VPS13C: variants seen among roughly 807,000 people sequenced by gnomAD.
The protein encoded by VPS13C is vacuolar protein sorting 13 homolog C, also known as intermembrane lipid transfer protein VPS13C.
Under a neutral mutation model 456.8 loss-of-function variants are expected in VPS13C, and 358 were observed. That is an observed-to-expected ratio of 0.78 (90% CI 0.72 to 0.86). The LOEUF (loss-of-function observed/expected upper bound fraction) is 0.86, where lower values mean the gene tolerates loss of function less well. Among genes scored for constraint, VPS13C ranks in the 40% least tolerant of loss-of-function variants. VPS13C has a pLI of 0.00. For synonymous variants in VPS13C, 1,578 were observed against 1,486.7 expected, an observed-to-expected ratio of 1.06 and a Z score of -1.41; for missense variants, 4,818 against 4,385.4, an observed-to-expected ratio of 1.10 and a Z score of -2.79.
intron 26 of VPS13C, 76 bp downstream of exon 26, chr15:61,973,378 T>C (rs1483199539): frequency 6.3e-6 from 8 of 1,268,058 alleles, no homozygotes; most frequent in Non-Finnish European, 1.1e-6. Context: ...ACTGCCCTTA[T>C]TTTCTGAAAA....
chr15:62,040,514 A>C (rs550127513), intron 3 of VPS13C, among the ~76,000 whole-genome samples: 4 of 152,198 alleles, frequency 2.6e-5, no homozygotes, highest in Non-Finnish European at 5.9e-5. Context: ...AAAATAAAAA[A>C]ATTTAATGGA....
chr15:62,046,981 T>C (rs1376378712), intron 1 of VPS13C, among the ~76,000 whole-genome samples: 1 of 152,028 alleles, frequency 6.6e-6, no homozygotes, highest in African/African-American at 2.4e-5. Context: ...AATAATTAGA[T>C]TTTTTTATGT....
In VPS13C at chr15:61,920,078, G is replaced by A. The variant is rs764029019; in HGVS notation, c.7466C>T (p.Thr2489Ile). The change falls in exon 57 of 85, where the codon ACT (threonine) becomes ATT (isoleucine). Residue 2489 changes from threonine to isoleucine, a missense_variant. Physicochemically the swap from Thr to Ile is moderately conservative, Grantham distance 89. This residue lies in a region of VPS13C where 4,552 missense variants were observed against 4,130.6 expected (regional missense o/e 1.10). Transcript: ENST00000644861. ...ILSRQESSFFTLTIVPHGYTE... is the reference protein window; with the variant it reads ...ILSRQESSFFILTIVPHGYTE... ...CAAATATAGCCTACCAATGGTCAGA[G>A]TGAAGAAGGAGCTTTCTTGACGGCT... 2.5e-6 allele frequency: 4 copies of A among 1,605,710 alleles called. No individual in the cohort carries two copies. The highest frequency in any genetic ancestry group is 3.4e-6 in the Non-Finnish European group (4 of 1,174,256).
chr15:61,938,619 T>G (rs1238445060), intron 47 of VPS13C, among the ~76,000 whole-genome samples: 1 of 152,200 alleles, frequency 6.6e-6, no homozygotes, highest in East Asian at 1.9e-4. Flanking sequence ...GATGCTAAAG[T>G]ATCAGATGTT....
intron 69 of VPS13C, 84 bp from the exon 70 acceptor site, chr15:61,881,912 C>G (rs1895886404): frequency 8.4e-7 from 1 of 1,184,146 alleles, no homozygotes; most frequent in African/African-American, 1.6e-5. Context: ...AAGAGGCCAC[C>G]ACTTTCATCA....
At chr15:61,953,400 C>T (rs2044873322) in intron 38 of VPS13C, among the ~76,000 whole-genome samples, 1 of 125,694 alleles carries the variant, frequency 8.0e-6, no homozygotes, top group South Asian at 3.1e-4. Context: ...TCCCCCGACC[C>T]CATAACAGTC....
At chr15:61,971,720 G>T (rs1364847839) in intron 27 of VPS13C, among the ~76,000 whole-genome samples, 5 of 152,200 alleles carry the variant, frequency 3.3e-5, no homozygotes, top group African/African-American at 1.2e-4. Flanking sequence ...TCATCTGAAT[G>T]CATTTTGAAT....
intron 79 of VPS13C, among the ~76,000 whole-genome samples, chr15:61,870,566 A>C (rs1445168079): frequency 6.6e-6 from 1 of 152,054 alleles, no homozygotes; most frequent in African/African-American, 2.4e-5. Flanking sequence ...TCTTTTGGTT[A>C]TTTTGAATAA....
chr15:61,949,096 T>C (rs550876681), intron 42 of VPS13C, among the ~76,000 whole-genome samples: 58 of 152,318 alleles, frequency 3.8e-4, no homozygotes, highest in Middle Eastern at 3.4e-3. Flanking sequence ...GAAACGGGCC[T>C]TTGTGACCTT....
At chr15:61,978,074 T>C (rs993264433) in intron 23 of VPS13C, among the ~76,000 whole-genome samples, 1 of 151,980 alleles carries the variant, frequency 6.6e-6, no homozygotes, top group South Asian at 2.1e-4. Context: ...CAAAAATATT[T>C]ACGTAAGCAT....
chr15:61,952,280 T>C (rs2044827388), intron 38 of VPS13C, among the ~76,000 whole-genome samples: 1 of 152,192 alleles, frequency 6.6e-6, no homozygotes, highest in African/African-American at 2.4e-5. Flanking sequence ...GGGAAATGTC[T>C]TATGCACTGT....
intron 40 of VPS13C, among the ~76,000 whole-genome samples, 185 bp from the exon 41 acceptor site, chr15:61,950,602 T>A (rs1446230891): frequency 1.3e-5 from 2 of 151,486 alleles, no homozygotes; most frequent in Non-Finnish European, 2.9e-5. Context: ...ATTTCTTACA[T>A]TCCATACAAG....
At chr15:62,020,568 T>C (rs552734516) in intron 8 of VPS13C, 30 bp from the exon 9 acceptor site, 9 of 1,606,188 alleles carry the variant, frequency 5.6e-6, no homozygotes, top group Admixed American at 1.7e-5. Flanking sequence ...AACAGTAAAA[T>C]ATGCTGATGG....
At chr15:61,977,283 A>G in intron 23 of VPS13C, 84 bp from the exon 24 acceptor site, 1 of 832,970 alleles carries the variant, frequency 1.2e-6, no homozygotes, top group Non-Finnish European at 1.8e-6. Context: ...AATGAATATT[A>G]TTTTAAATTG....
At chr15:61,861,330 A>G (rs1487155434) in intron 82 of VPS13C, among the ~76,000 whole-genome samples, 1 of 152,130 alleles carries the variant, frequency 6.6e-6, no homozygotes, top group East Asian at 1.9e-4. Flanking sequence ...AATCCAGCCC[A>G]AGACCTGTTT....
intron 42 of VPS13C, among the ~76,000 whole-genome samples, chr15:61,948,753 C>G (rs1017370521): frequency 1.3e-5 from 2 of 151,664 alleles, no homozygotes; most frequent in African/African-American, 4.8e-5. Flanking sequence ...ACCAAACATG[C>G]CAGTAATACA....
Position 61,959,458 on chromosome 15 carries a change from T to C in VPS13C, c.4046A>G (p.Asp1349Gly), listed in dbSNP as rs2045119993. Residue 1349 changes from aspartate to glycine, a missense_variant, in exon 36 of 85, where the codon GAT becomes GGT. Asp to Gly is a moderately conservative substitution (Grantham distance 94). Transcript: ENST00000644861. ...VPVVEIKGHL[D>G]SMNVSLNQED... ...CACTCATATACTTACATTCATTGAATCAAGATGTCCTTTAATTTCCACAAC... is the reference window on the plus strand; with the variant it reads ...CACTCATATACTTACATTCATTGAACCAAGATGTCCTTTAATTTCCACAAC... 5 of 1,610,960 alleles carry C rather than the reference T, an allele frequency of 3.1e-6. No individual in the cohort carries two copies. The highest frequency in any genetic ancestry group is 4.2e-6 in the Non-Finnish European group (5 of 1,178,026).
At chr15:61,929,333 C>G (rs1316220342) in intron 51 of VPS13C, among the ~76,000 whole-genome samples, 168 bp downstream of exon 51, 1 of 152,148 alleles carries the variant, frequency 6.6e-6, no homozygotes, top group African/African-American at 2.4e-5. Flanking sequence ...CTGTACCTCT[C>G]TCTTAAAAAT....
rs146418842 is a variant in VPS13C, at chr15:62,002,344, T to C, written c.1291-1718A>G. On this transcript the variant is annotated intron_variant, in intron 15 of 84. Coordinates refer to ENST00000644861, the MANE Select transcript of VPS13C (RefSeq NM_020821.3). ...TTTGAAAACTGTCTGTTCATGTCCTTTGCCCACTTTTTGATGGGGTTGTTT... is the reference window on the plus strand; with the variant it reads ...TTTGAAAACTGTCTGTTCATGTCCTCTGCCCACTTTTTGATGGGGTTGTTT... Among the ~76,000 whole-genome samples the C allele has an allele frequency of 3.0e-4, 45 of 152,374 alleles. 1 individual carries two copies. The East Asian group carries it at 6.4e-3, about 22-fold the overall frequency.
Sources: gnomAD v4.1 joint callset for allele counts (sites outside exome capture counted in the v4.1 genomes callset) on GRCh38, gnomAD v4.1.1 for gene constraint, gnomAD v4.1.1 regional missense constraint, MANE v1.5 for transcripts, NCBI Gene and HGNC (gene_info 2026-07-23, HGNC 2026-07-21) for gene names.